Variants in ZNF211 observed in about 807,000 individuals in gnomAD.
ZNF211 encodes zinc finger protein C2H2-25.
In ZNF211, 18 loss-of-function variants were observed where a neutral mutation model predicts 12.1. That is an observed-to-expected ratio of 1.48 (90% CI 1.03 to 2.20). The LOEUF is 2.20. Ranked by LOEUF, ZNF211 falls within the 30% of genes most tolerant of loss-of-function variation. The probability of loss-of-function intolerance (pLI) is 0.00; values close to 1 mark genes in which losing one functional copy is unlikely to be tolerated. For missense variants in ZNF211, 677 were observed against 703.1 expected (o/e 0.96, Z 0.42); for synonymous variants, 249 against 246.0 (o/e 1.01, Z -0.11).
At chr19:57,639,799 A>G (rs1982639966) in intron 3 of ZNF211, 2 of 1,161,016 alleles carry the variant, frequency 1.7e-6, no homozygotes, top group African/African-American at 1.6e-5. Flanking sequence ...TAAAGTTACA[A>G]CACTCTAACT....
intron 3 of ZNF211, chr19:57,639,890 A>G: frequency 2.0e-6 from 3 of 1,524,708 alleles, no homozygotes; most frequent in Non-Finnish European, 2.6e-6. Flanking sequence ...TTAGTTGCTC[A>G]CATGTCCTGT....
chr19:57,636,597 C>T (rs564038393), intron 3 of ZNF211, among the ~76,000 whole-genome samples: 1 of 152,322 alleles, frequency 6.6e-6, no homozygotes, highest in South Asian at 2.1e-4. Flanking sequence ...GAGTACCACA[C>T]TGTTTTAATT....
At chr19:57,633,782 G>T (rs768019396) in intron 1 of ZNF211, 38 of 1,543,052 alleles carry the variant, frequency 2.5e-5, no homozygotes, top group Non-Finnish European at 3.0e-5. Context: ...AAAATCCTCT[G>T]CAGGCTGTTC....
rs1983079732 is a variant in ZNF211, at chr19:57,642,263, G to A, written c.*82G>A. On this transcript the variant is annotated 3_prime_UTR_variant, in exon 4 of 4. Transcript: ENST00000240731. ...GTGAGAGAGACAAGTACCTGATTTG[G>A]AAGCCCCAACATCTAAGGATATACA... 6 of 1,448,144 alleles carry A rather than the reference G, an allele frequency of 4.1e-6. No homozygotes were observed. The highest frequency in any genetic ancestry group is 5.5e-6 in the Non-Finnish European group (6 of 1,081,456). 89.7% of individuals were successfully genotyped at this position (1,448,144 alleles called of 1,614,324 possible).
Position 57,640,755 on chromosome 19 carries a change from C to G in ZNF211, c.308C>G (p.Ser103Cys). 2.5e-6 allele frequency: 4 copies of G among 1,614,206 alleles called. No homozygotes were observed. Among genetic ancestry groups the G allele is most frequent in the Non-Finnish European group, 3.4e-6 (4 of 1,180,026 alleles). ...HEETPSEQRISGERVPQFRTS... is the reference protein window; with the variant it reads ...HEETPSEQRICGERVPQFRTS... Reference sequence around the variant, plus strand: ...GAAACACCTTCTGAACAGAGAATTTCTGGAGAAAGAGTGCCACAGTTCAGG... The same window carrying G: ...GAAACACCTTCTGAACAGAGAATTTGTGGAGAAAGAGTGCCACAGTTCAGG... The change falls in exon 4 of 4, where the codon TCT (serine) becomes TGT (cysteine). Residue 103 changes from serine to cysteine, a missense_variant. By Grantham distance (112) the Ser-to-Cys change is moderately radical (BLOSUM62 -1). Transcript: ENST00000240731.
chr19:57,634,728 G>T lies in ZNF211; in HGVS notation c.229G>T (p.Glu77Ter). ...QKHLYFDVMLENFALTSSLGC... is the reference protein window; with the variant it reads ...QKHLYFDVML ...ACACCTGTACTTCGATGTGATGCTG[G>T]AGAACTTTGCACTTACGTCCTCCCT... The change falls in exon 3 of 4, where the codon GAG becomes TAG. Residue 77 changes from glutamate (E) to a stop codon, truncating the protein, a stop_gained. Transcript: ENST00000240731. LOFTEE classifies it low-confidence loss of function (END_TRUNC). 3.7e-6 allele frequency: 6 copies of T among 1,604,940 alleles called. No individual in the cohort carries two copies. Among genetic ancestry groups the T allele is most frequent in the Non-Finnish European group, 5.1e-6 (6 of 1,174,816 alleles).
intron 3 of ZNF211, among the ~76,000 whole-genome samples, chr19:57,639,061 TG>T (rs765108034): frequency 1.2e-3 from 186 of 152,310 alleles, no homozygotes; most frequent in Non-Finnish European, 2.2e-3. Flanking sequence ...AATATCTTTT[TG>T]TAGGCTGTCA....
Position 57,643,871 on chromosome 19 carries a change from C to G in ZNF211, c.*1690C>G, listed in dbSNP as rs536721298. ...AAATGTCTTTTTTTCCAGTTTCATT[C>G]ATGATGCATAATTATTTTGAGATTC... On this transcript the variant is annotated 3_prime_UTR_variant, in exon 4 of 4. Transcript: ENST00000240731. 6.6e-6 allele frequency among the ~76,000 whole-genome samples: 1 copy of G among 152,108 alleles called. No homozygotes were observed. The highest frequency in any genetic ancestry group is 1.9e-4 in the East Asian group (1 of 5,188).
chr19:57,640,212 C>A, intron 3 of ZNF211: 1 of 1,027,638 alleles, frequency 9.7e-7, no homozygotes, highest in Non-Finnish European at 1.4e-6. Context: ...TTTATTTTGA[C>A]TTCTAGCTAA....
intron 3 of ZNF211, among the ~76,000 whole-genome samples, chr19:57,635,365 A>T (rs1982002477): frequency 6.6e-6 from 1 of 152,164 alleles, no homozygotes; most frequent in Non-Finnish European, 1.5e-5. Context: ...GTACTTTTTC[A>T]TCTTATAAAA....
chr19:57,634,028 C>A lies in ZNF211; in HGVS notation c.96C>A (p.Pro32=), dbSNP rs759568281. The A allele has an allele frequency of 1.8e-5, 29 of 1,589,552 alleles. No individual in the cohort carries two copies. Among genetic ancestry groups the A allele is most frequent in the Non-Finnish European group, 2.3e-5 (27 of 1,169,400 alleles). Residue 32 remains proline, a synonymous_variant, in exon 2 of 4, where the codon CCC becomes CCA. Transcript: ENST00000240731. ...ATALRDPASV[P]IATEVLFKLT... ...AGGCCTGCGTCTTTCCACAGGTTCC[C>A]ATAGCTACAGAGGTGCTTTTCAAAC...
In ZNF211 at chr19:57,633,201, T is replaced by C; in HGVS notation, c.-146T>C. The C allele has an allele frequency of 1.3e-6, 1 of 747,656 alleles. No homozygotes were observed. Among genetic ancestry groups the C allele is most frequent in the Non-Finnish European group, 2.0e-6 (1 of 495,464 alleles). 46.3% of individuals were successfully genotyped at this position (747,656 alleles called of 1,614,324 possible). A position where few individuals can be genotyped will look rare whatever the true frequency, so the allele number is the denominator to read the frequency against. ...ACTTGTGGCGTCTTCGCAGCGGTCA[T>C]TTTGGCTGCCCTCCCGGAGGTCCGT... On this transcript the variant is annotated 5_prime_UTR_variant, in exon 1 of 4. Transcript: ENST00000240731.
chr19:57,635,718 TGTCCTTGCTTTCAATTCTTTTGG>T (rs1330932749), intron 3 of ZNF211, among the ~76,000 whole-genome samples: 5 of 152,238 alleles, frequency 3.3e-5, no homozygotes, highest in Non-Finnish European at 7.3e-5. Flanking sequence ...TACGTATTTG[TGTCCTTGCTTTCAATTCTTTTGG>T]GTATTGGCCC....
Position 57,639,889 on chromosome 19 carries a change from C to A in ZNF211, c.257-815C>A, listed in dbSNP as rs1414756245. On this transcript the variant is annotated intron_variant, in intron 3 of 3. Transcript: ENST00000240731. ...TTGTTCTGGGCCAGTGTTAGTTGCT[C>A]ACATGTCCTGTCTTTCCCTTAGGAC... The A allele has an allele frequency of 2.6e-6, 4 of 1,523,708 alleles. No homozygotes were observed. In the African/African-American group the frequency reaches 5.5e-5, roughly 21 times the overall value. 94.4% of individuals were successfully genotyped at this position (1,523,708 alleles called of 1,614,324 possible).
chr19:57,640,952 C>T lies in ZNF211; in HGVS notation c.505C>T (p.Gln169Ter). 1.2e-6 allele frequency: 2 copies of T among 1,614,190 alleles called. No homozygotes were observed. The highest frequency in any genetic ancestry group is 1.7e-6 in the Non-Finnish European group (2 of 1,180,038). Reference sequence around the variant, plus strand: ...TGCAAATCTTCAACAGCACCAGAGGCAGCACATTACAGAGGCACCTTTCAG... The same window carrying T: ...TGCAAATCTTCAACAGCACCAGAGGTAGCACATTACAGAGGCACCTTTCAG... ...ISANLQQHQRQHITEAPFRSY... is the reference protein window; with the variant it reads ...ISANLQQHQR The change falls in exon 4 of 4, where the codon CAG (glutamine) becomes TAG (stop). Residue 169 changes from glutamine (Q) to a stop codon, truncating the protein, a stop_gained. Transcript: ENST00000240731. LOFTEE classifies it low-confidence loss of function (END_TRUNC).
chr19:57,642,250 A>T lies in ZNF211; in HGVS notation c.*69A>T. Reference sequence around the variant, plus strand: ...AAGGAGTACACCTGTGAGAGAGACAAGTACCTGATTTGGAAGCCCCAACAT... The same window carrying T: ...AAGGAGTACACCTGTGAGAGAGACATGTACCTGATTTGGAAGCCCCAACAT... On this transcript the variant is annotated 3_prime_UTR_variant, in exon 4 of 4. Coordinates refer to ENST00000240731, the MANE Select transcript of ZNF211 (RefSeq NM_006385.5). 1 of 1,489,420 alleles carries T rather than the reference A, an allele frequency of 6.7e-7. No individual in the cohort carries two copies. The highest frequency in any genetic ancestry group is 9.0e-7 in the Non-Finnish European group (1 of 1,115,700). The allele number at this position is 1,489,420 out of a possible 1,614,324, so 92.3% of individuals were successfully genotyped here.
At position 57,641,555 on chromosome 19, in the gene ZNF211, A is replaced by G; in HGVS notation, c.1108A>G (p.Met370Val). ...ATCTTTTAGCCAAAGGTCCAACCTCATGCAGCATCGCAGAGTTCACACTGG... is the reference window on the plus strand; with the variant it reads ...ATCTTTTAGCCAAAGGTCCAACCTCGTGCAGCATCGCAGAGTTCACACTGG... ...GKSFSQRSNL[M>V]QHRRVHTGER... is the part of the protein sequence containing the mutation. Residue 370 changes from methionine (M) to valine (V), a missense_variant, in exon 4 of 4, where the codon ATG (methionine) becomes GTG (valine). Physicochemically the swap from Met to Val is conservative, Grantham distance 21 (BLOSUM62 1). Transcript: ENST00000240731. 1 of 1,614,166 alleles carries G rather than the reference A, an allele frequency of 6.2e-7. No individual in the cohort carries two copies. The highest frequency in any genetic ancestry group is 8.5e-7 in the Non-Finnish European group (1 of 1,180,032).
chr19:57,634,995 C>G (rs930904654), intron 3 of ZNF211: 2 of 981,586 alleles, frequency 2.0e-6, no homozygotes, highest in Admixed American at 6.1e-5. Context: ...ACCTGACTTG[C>G]CTTCTCCCTG....
rs1053865737 is a variant in ZNF211 at position 57,633,557 on chromosome 19, A to G, written c.90+121A>G. Reference sequence around the variant, plus strand: ...ACTGAGGCTCGTGGGTGGGGCCCCTATTTCTGACATCCGATGTGGTGGGCA... The same window carrying G: ...ACTGAGGCTCGTGGGTGGGGCCCCTGTTTCTGACATCCGATGTGGTGGGCA... On this transcript the variant is annotated intron_variant, in intron 1 of 3. Transcript: ENST00000240731. 7 of 1,498,400 alleles carry G rather than the reference A, an allele frequency of 4.7e-6. No homozygotes were observed. The African/African-American group carries it at 7.0e-5, about 15-fold the overall frequency. The allele number at this position is 1,498,400 out of a possible 1,614,324, so 92.8% of individuals were successfully genotyped here.
Sources: gnomAD v4.1 joint callset for allele counts (sites outside exome capture counted in the v4.1 genomes callset) on GRCh38, gnomAD v4.1.1 for gene constraint, MANE v1.5 for transcripts, NCBI Gene and HGNC (gene_info 2026-07-23, HGNC 2026-07-21) for gene names.